TAFA1: variants seen among roughly 807,000 people sequenced by gnomAD.
TAFA1 encodes chemokine-like protein TAFA-1.
In TAFA1, 4 loss-of-function variants were observed where a neutral mutation model predicts 18.5. That is an observed-to-expected ratio of 0.22 (90% CI 0.11 to 0.49). The LOEUF (loss-of-function observed/expected upper bound fraction) is 0.49, where lower values mean the gene tolerates loss of function less well. Ranked by LOEUF, TAFA1 falls within the 20% of genes least tolerant of loss-of-function variation. The pLI, the probability that TAFA1 is intolerant of heterozygous loss-of-function variation, is 0.98. For missense variants in TAFA1, 147 were observed against 169.0 expected (o/e 0.87, Z 0.72); for synonymous variants, 56 against 55.2 (o/e 1.01, Z -0.06).
chr3:68,384,122 A>G (rs566858045), intron 2 of TAFA1, among the ~76,000 whole-genome samples: 4 of 152,102 alleles, frequency 2.6e-5, no homozygotes, highest in African/African-American at 9.6e-5. Flanking sequence ...AATTTTCTCA[A>G]AAAATGCCTC....
rs549357445 is a variant in TAFA1 at position 68,096,519 on chromosome 3, CA to C, written c.118+89776del. The stretch of plus-strand genomic sequence containing the variant: ...TCCTTTATTAAGAATGCTTTGGATA[CA>C]TCATCTTATTTTGTTCTTTCAACAA... On this transcript the variant is annotated intron_variant, in intron 2 of 4. Coordinates refer to ENST00000478136, the MANE Select transcript of TAFA1 (RefSeq NM_213609.4). Among the ~76,000 whole-genome samples the C allele has an allele frequency of 5.3e-5, 8 of 152,224 alleles. No homozygotes were observed. In the South Asian group the frequency reaches 1.7e-3, roughly 32 times the overall value.
At chr3:68,265,957 T>C (rs886972536) in intron 2 of TAFA1, among the ~76,000 whole-genome samples, 2 of 152,178 alleles carry the variant, frequency 1.3e-5, no homozygotes, top group Non-Finnish European at 2.9e-5. Context: ...GTATAATCCC[T>C]GGAATGCTAA....
intron 3 of TAFA1, among the ~76,000 whole-genome samples, chr3:68,513,478 A>G (rs1042841389): frequency 1.3e-5 from 2 of 152,192 alleles, no homozygotes; most frequent in Non-Finnish European, 2.9e-5. Context: ...AAATATCCAC[A>G]TGTGGCTAGT....
intron 3 of TAFA1, among the ~76,000 whole-genome samples, chr3:68,501,465 G>C (rs866420655): frequency 2.9e-4 from 44 of 152,120 alleles, no homozygotes; most frequent in African/African-American, 9.4e-4. Context: ...CCTACCATGA[G>C]AGTGTATAAA....
chr3:68,292,186 G>A (rs940956339), intron 2 of TAFA1, among the ~76,000 whole-genome samples: 6 of 151,858 alleles, frequency 4.0e-5, no homozygotes, highest in African/African-American at 7.3e-5. Flanking sequence ...GTTTACCTAC[G>A]TATATATAAT....
intron 2 of TAFA1, among the ~76,000 whole-genome samples, chr3:68,022,484 G>A (rs551128943): frequency 4.6e-5 from 7 of 151,990 alleles, no homozygotes; most frequent in African/African-American, 7.3e-5. Flanking sequence ...GGCTGTTGGT[G>A]GGGGGAAGGG....
intron 2 of TAFA1, among the ~76,000 whole-genome samples, chr3:68,069,214 A>G (rs1036429466): frequency 2.6e-5 from 4 of 152,248 alleles, no homozygotes; most frequent in Non-Finnish European, 5.9e-5. Context: ...TGGGTAATTT[A>G]TACAGCAGAA....
intron 2 of TAFA1, among the ~76,000 whole-genome samples, chr3:68,176,955 C>T (rs2066134324): frequency 6.6e-6 from 1 of 151,988 alleles, no homozygotes; most frequent in Non-Finnish European, 1.5e-5. Context: ...TATTGCTCAT[C>T]TGGTTCTTGG....
chr3:68,033,562 G>A (rs1201654941), intron 2 of TAFA1, among the ~76,000 whole-genome samples: 2 of 152,126 alleles, frequency 1.3e-5, no homozygotes, highest in Non-Finnish European at 1.5e-5. Flanking sequence ...TCCTCTGAGA[G>A]CATTGTACTT....
chr3:68,016,617 T>G (rs1281274101), intron 2 of TAFA1, among the ~76,000 whole-genome samples: 1 of 152,198 alleles, frequency 6.6e-6, no homozygotes, highest in Non-Finnish European at 1.5e-5. Context: ...CATCTAGGTC[T>G]GTGTAAGTAC....
intron 2 of TAFA1, among the ~76,000 whole-genome samples, chr3:68,153,528 A>G (rs370171855): frequency 2.0e-5 from 3 of 152,178 alleles, no homozygotes; most frequent in Admixed American, 6.6e-5. Context: ...AAGCTCTCCT[A>G]TGGCTTTGAA....
chr3:68,008,056 G>A (rs978949206), intron 2 of TAFA1, among the ~76,000 whole-genome samples: 1 of 152,228 alleles, frequency 6.6e-6, no homozygotes, highest in Admixed American at 6.5e-5. Context: ...TGTGCTAGGG[G>A]CTGAGGCTGG....
At chr3:68,369,337 A>C (rs1333075647) in intron 2 of TAFA1, among the ~76,000 whole-genome samples, 1 of 152,204 alleles carries the variant, frequency 6.6e-6, no homozygotes, top group Non-Finnish European at 1.5e-5. Flanking sequence ...AGTTGATATG[A>C]AGAAAAAGGT....
At chr3:68,526,120 T>A (rs2073108614) in intron 3 of TAFA1, among the ~76,000 whole-genome samples, 1 of 152,214 alleles carries the variant, frequency 6.6e-6, no homozygotes, top group South Asian at 2.1e-4. Context: ...TTTGTATAGA[T>A]CTGAAGTGGC....
At chr3:68,135,533 C>T (rs1354185015) in intron 2 of TAFA1, among the ~76,000 whole-genome samples, 2 of 152,200 alleles carry the variant, frequency 1.3e-5, no homozygotes, top group African/African-American at 4.8e-5. Flanking sequence ...ATTAACTTGG[C>T]AAGTTGCATA....
chr3:68,177,237 C>T (rs2066137388), intron 2 of TAFA1, among the ~76,000 whole-genome samples: 1 of 152,128 alleles, frequency 6.6e-6, no homozygotes, highest in Non-Finnish European at 1.5e-5. Context: ...AAGTAGACAC[C>T]AAGGCATGCT....
intron 2 of TAFA1, among the ~76,000 whole-genome samples, chr3:68,253,764 G>T (rs527390931): frequency 6.6e-6 from 1 of 152,256 alleles, no homozygotes; most frequent in East Asian, 1.9e-4. Flanking sequence ...AAATTAGAAG[G>T]TTAGATGTTT....
intron 3 of TAFA1, among the ~76,000 whole-genome samples, chr3:68,450,461 C>G (rs1041559939): frequency 2.0e-5 from 3 of 152,114 alleles, no homozygotes; most frequent in African/African-American, 7.2e-5. Context: ...GTAAGTGAAG[C>G]CATGAAAGTG....
intron 3 of TAFA1, among the ~76,000 whole-genome samples, chr3:68,446,122 T>A (rs1199135381): frequency 6.6e-6 from 1 of 152,048 alleles, no homozygotes; most frequent in African/African-American, 2.4e-5. Context: ...GCTCAGGCTG[T>A]TCTCAAACTT....
Sources: allele counts gnomAD v4.1 joint callset (sites outside exome capture counted in the v4.1 genomes callset), GRCh38; gene constraint gnomAD v4.1.1; transcripts MANE v1.5; gene names NCBI Gene and HGNC (gene_info 2026-07-23, HGNC 2026-07-21).